The following POU2F3 variants were observed in gnomAD, a reference collection of about 807,000 sequenced individuals.
POU2F3 encodes the protein POU domain, class 2, transcription factor 3.
A neutral mutation model predicts 59.2 loss-of-function variants in POU2F3; 23 were observed. The observed-to-expected ratio is 0.39, with a 90% CI of 0.28 to 0.55. The LOEUF (loss-of-function observed/expected upper bound fraction) is 0.55, where lower values mean the gene tolerates loss of function less well. Ranked by LOEUF, POU2F3 falls within the 20% of genes least tolerant of loss-of-function variation. POU2F3 has a pLI of 0.66. For missense variants in POU2F3, 473 were observed against 544.5 expected, an observed-to-expected ratio of 0.87 and a Z score of 1.31; for synonymous variants, 190 against 214.6, an observed-to-expected ratio of 0.89 and a Z score of 1.00.
At chr11:120,239,069 C>T (rs1384478132), upstream of POU2F3, among the ~76,000 whole-genome samples, 4 of 152,048 alleles carry the variant, frequency 2.6e-5, no homozygotes, top group Non-Finnish European at 4.4e-5. Context: ...GTGGGATGGG[C>T]GTGCCAGGGG....
upstream of POU2F3, chr11:120,236,676 G>A (rs533929152): frequency 6.1e-5 from 92 of 1,504,484 alleles, no homozygotes; most frequent in Admixed American, 1.4e-3. Context: ...CCGGTTTCAT[G>A]GAGTCTCCAA....
At chr11:120,283,953 G>A (rs1565374002) in intron 3 of POU2F3, among the ~76,000 whole-genome samples, 2 of 152,156 alleles carry the variant, frequency 1.3e-5, no homozygotes, top group Admixed American at 6.5e-5. Flanking sequence ...GGAGGCAAGC[G>A]GATCACTTGA....
chr11:120,249,814 G>T lies in POU2F3; in HGVS notation c.97+3297G>T, dbSNP rs58254802. Reference sequence around the variant, plus strand: ...CATCTCATTTAATTCTTACAATAAGGCTATGAGATAGAGACACGATTAACC... The same window carrying T: ...CATCTCATTTAATTCTTACAATAAGTCTATGAGATAGAGACACGATTAACC... On this transcript the variant is annotated intron_variant, in intron 2 of 12. Coordinates refer to ENST00000543440, the MANE Select transcript of POU2F3 (RefSeq NM_014352.4). The T allele has an allele frequency of 0.055, 8,417 of 152,192 alleles. 1,152 individuals are homozygous for T. In the East Asian group the frequency reaches 0.61, roughly 11 times the overall value. The allele number at this position is 152,192 out of a possible 1,614,324, so 9.4% of individuals were successfully genotyped here.
At chr11:120,298,461 G>A in intron 4 of POU2F3, 71 bp downstream of exon 4, 1 of 1,588,142 alleles carries the variant, frequency 6.3e-7, no homozygotes, top group Non-Finnish European at 8.6e-7. Context: ...CGACTTCCAT[G>A]CTTGGTACTC....
At chr11:120,280,479 A>G (rs1940516907) in intron 3 of POU2F3, among the ~76,000 whole-genome samples, 1 of 152,204 alleles carries the variant, frequency 6.6e-6, no homozygotes, top group Non-Finnish European at 1.5e-5. Context: ...GGTAAGCATT[A>G]TTCTTCCCAT....
intron 3 of POU2F3, among the ~76,000 whole-genome samples, chr11:120,295,671 G>A (rs1941173297): frequency 1.3e-5 from 2 of 152,214 alleles, no homozygotes; most frequent in African/African-American, 4.8e-5. Context: ...ATTTTGGGGA[G>A]AAGAACTAGG....
At position 120,319,460 on chromosome 11, in the gene POU2F3, T is replaced by TTTTTTTG. The variant is rs1555083314; in HGVS notation, c.*1070_*1071insTTTTGTT. ...TTTCTTTTTCTTTTTTTTTTTTTTT[T>TTTTTTTG]TTGAGACAGTCTTGCTCCAGCCCAG... On this transcript the variant is annotated 3_prime_UTR_variant, in exon 13 of 13. Transcript: ENST00000543440. 6.8e-6 allele frequency: 1 copy of TTTTTTTG among 147,598 alleles called. No homozygotes were observed. The highest frequency in any genetic ancestry group is 2.6e-5 in the African/African-American group (1 of 39,120). The allele number at this position is 147,598 out of a possible 1,614,324, so 9.1% of individuals were successfully genotyped here.
chr11:120,302,000 C>T, intron 5 of POU2F3: 1 of 331,106 alleles, frequency 3.0e-6, no homozygotes, highest in Non-Finnish European at 5.5e-6. Context: ...CGTCTTGACC[C>T]TCCTTAGCCT....
intron 2 of POU2F3, chr11:120,259,324 G>A (rs1010288110): frequency 6.6e-6 from 1 of 152,232 alleles, no homozygotes; most frequent in African/African-American, 2.4e-5. Flanking sequence ...AGATCATCCA[G>A]TCTTGGAGTA....
chr11:120,272,645 A>G (rs1940127047), intron 3 of POU2F3, among the ~76,000 whole-genome samples: 6 of 152,202 alleles, frequency 3.9e-5, no homozygotes, highest in Admixed American at 3.9e-4. Context: ...TGCATGAGCA[A>G]CGAATGCTCA....
chr11:120,240,888 C>T (rs1030345431), intron 1 of POU2F3, among the ~76,000 whole-genome samples: 2 of 151,990 alleles, frequency 1.3e-5, no homozygotes, highest in African/African-American at 2.4e-5. Context: ...GGGGCAGGGG[C>T]CATGCCCCCA....
At chr11:120,309,788 A>T (rs1941606083) in intron 10 of POU2F3, among the ~76,000 whole-genome samples, 1 of 152,090 alleles carries the variant, frequency 6.6e-6, no homozygotes. Flanking sequence ...GTCAGAGAGG[A>T]CCTCCCTGAA....
chr11:120,279,568 C>T (rs1284125676), intron 3 of POU2F3, among the ~76,000 whole-genome samples: 2 of 152,176 alleles, frequency 1.3e-5, no homozygotes, highest in Admixed American at 6.5e-5. Context: ...TCAGCCCCAC[C>T]GCCCTCTGCA....
chr11:120,289,678 C>T (rs1940952731), intron 3 of POU2F3, among the ~76,000 whole-genome samples: 1 of 152,166 alleles, frequency 6.6e-6, no homozygotes, highest in African/African-American at 2.4e-5. Context: ...CCGCTTCTTC[C>T]ACTTCCGCTT....
rs1672767215 is a variant in POU2F3 at position 120,307,761 on chromosome 11, C to A, written c.906+146C>A. The A allele has an allele frequency of 1.3e-5, 14 of 1,112,906 alleles. No individual in the cohort carries two copies. The South Asian group carries it at 1.9e-4, about 15-fold the overall frequency. The allele number at this position is 1,112,906 out of a possible 1,614,324, so 68.9% of individuals were successfully genotyped here. A position where few individuals can be genotyped will look rare whatever the true frequency, so the allele number is the denominator to read the frequency against. On this transcript the variant is annotated intron_variant, in intron 9 of 12. Transcript: ENST00000543440. ...AGAAAACACATTATCCCACTCCAGG[C>A]GCCCAGGTATTGGAGTGCAAAGCTG...
rs370231426 is a variant in POU2F3, at chr11:120,318,364, G to T, written c.1283G>T (p.Arg428Leu). 40 of 1,605,472 alleles carry T rather than the reference G, an allele frequency of 2.5e-5. No individual in the cohort carries two copies. Among genetic ancestry groups the T allele is most frequent in the Non-Finnish European group, 3.2e-5 (38 of 1,172,314 alleles). The part of the protein sequence containing the change: ...SSFNSSGSWY[R>L]WNHSTYLH ...TTTCTTCCTTCCAGATCTTGGTACCGATGGAATCATTCCACCTACCTCCAC... is the reference window on the plus strand; with the variant it reads ...TTTCTTCCTTCCAGATCTTGGTACCTATGGAATCATTCCACCTACCTCCAC... The change falls in exon 13 of 13, where the codon CGA becomes CTA. Residue 428 changes from arginine to leucine, a missense_variant. Transcript: ENST00000543440.
chr11:120,264,455 A>G (rs896318042), intron 2 of POU2F3, among the ~76,000 whole-genome samples: 1 of 152,190 alleles, frequency 6.6e-6, no homozygotes. Context: ...TTCTTGGAGA[A>G]TGACTTTTAA....
intron 1 of POU2F3, among the ~76,000 whole-genome samples, chr11:120,240,705 C>T: frequency 6.6e-6 from 1 of 152,142 alleles, no homozygotes; most frequent in Admixed American, 6.5e-5. Context: ...GGGTGGTTCA[C>T]TCACTCAGCC....
At chr11:120,303,668 C>T (rs1941406619) in intron 6 of POU2F3, 1 of 152,206 alleles carries the variant, frequency 6.6e-6, no homozygotes, top group Non-Finnish European at 1.5e-5. Context: ...CACACCCTCT[C>T]CCTGCAAACT....
Sources: allele counts gnomAD v4.1 joint callset (sites outside exome capture counted in the v4.1 genomes callset), GRCh38; gene constraint gnomAD v4.1.1; transcripts MANE v1.5; gene names NCBI Gene and HGNC (gene_info 2026-07-23, HGNC 2026-07-21).